ADGRG1: variants seen among roughly 807,000 people sequenced by gnomAD.
ADGRG1 encodes adhesion G protein-coupled receptor G1, also known as 7-transmembrane protein with no EGF-like N-terminal domains-1.
In ADGRG1, 53 loss-of-function variants were observed where a neutral mutation model predicts 73.5. The observed-to-expected ratio is 0.72, with a 90% CI of 0.58 to 0.91. The LOEUF (loss-of-function observed/expected upper bound fraction) is 0.91. ADGRG1 is among the 40% of genes least tolerant of loss of function. The pLI, the probability that ADGRG1 is intolerant of heterozygous loss-of-function variation, is 0.00. For synonymous variants in ADGRG1, 394 were observed against 374.4 expected (o/e 1.05, Z -0.60); for missense variants, 795 against 871.8 (o/e 0.91, Z 1.11).
chr16:57,635,009 G>T (rs2147462595), intron 1 of ADGRG1: 1 of 985,352 alleles, frequency 1.0e-6, no homozygotes, highest in African/African-American at 1.7e-5. Context: ...ATAGCTCAGT[G>T]GGCTGGATGG....
chr16:57,629,236 G>T (rs538606440), intron 1 of ADGRG1: 2 of 930,748 alleles, frequency 2.1e-6, no homozygotes, highest in Non-Finnish European at 2.6e-6. Context: ...TCTCTAGAGT[G>T]GGGGCGGACC....
rs1338794301 is a variant in ADGRG1, at chr16:57,664,655, A to T, written c.*1073A>T. 6.6e-6 allele frequency: 1 copy of T among 152,562 alleles called. No individual in the cohort carries two copies. The highest frequency in any genetic ancestry group is 1.5e-5 in the Non-Finnish European group (1 of 68,112). The allele number at this position is 152,562 out of a possible 1,614,324, so 9.5% of individuals were successfully genotyped here. ...TAGCTCCAGGCGCCCTCGGCCGCCC[A>T]TCATGGTTAATTCTGTCCAACAAAC... On this transcript the variant is annotated 3_prime_UTR_variant, in exon 14 of 14. Coordinates refer to ENST00000562631, the MANE Select transcript of ADGRG1 (RefSeq NM_201525.4).
At chr16:57,642,132 A>G (rs2041001760) in intron 1 of ADGRG1, 1 of 985,128 alleles carries the variant, frequency 1.0e-6, no homozygotes, top group Non-Finnish European at 1.2e-6. Context: ...TCTCTTTTCC[A>G]ACATCCTGAG....
In ADGRG1 at chr16:57,657,475, G is replaced by A. The variant is rs147479620; in HGVS notation, c.1270G>A (p.Ala424Thr). The A allele has an allele frequency of 5.8e-4, 935 of 1,612,948 alleles. 2 individuals carry two copies. Among genetic ancestry groups the A allele is most frequent in the Non-Finnish European group, 5.9e-4 (693 of 1,179,052 alleles). The change falls in exon 10 of 14, where the codon GCC (alanine) becomes ACC (threonine). Residue 424 changes from alanine (A) to threonine (T), a missense_variant. Transcript: ENST00000562631. ...SALACLVTIAAYLCSRRKPRD... is the reference protein window; with the variant it reads ...SALACLVTIATYLCSRRKPRD... ...CCTGGCCTGCCTTGTCACCATTGCC[G>A]CCTACCTCTGCTCCAGGTGAGGCCT...
intron 1 of ADGRG1, chr16:57,636,048 A>G (rs1311650611): frequency 2.0e-6 from 2 of 985,192 alleles, no homozygotes; most frequent in East Asian, 1.1e-4. Flanking sequence ...CCCCATGGCC[A>G]TAGGCACGTG....
chr16:57,662,502 C>G (rs533157846), intron 13 of ADGRG1, among the ~76,000 whole-genome samples: 1 of 152,160 alleles, frequency 6.6e-6, no homozygotes, highest in Non-Finnish European at 1.5e-5. Context: ...CTGGGCCACC[C>G]GGGCCCTGCC....
chr16:57,653,923 C>T (rs2044784632), intron 4 of ADGRG1, 63 bp from the exon 5 acceptor site: 24 of 1,610,208 alleles, frequency 1.5e-5, no homozygotes, highest in Non-Finnish European at 1.9e-5. Context: ...GTCCTCCTGC[C>T]TCAGTCTCCC....
intron 5 of ADGRG1, chr16:57,655,110 T>C: frequency 1.0e-6 from 1 of 985,274 alleles, no homozygotes; most frequent in Non-Finnish European, 1.2e-6. Flanking sequence ...AGTTGGCTGC[T>C]GTAGGCAGAG....
rs115121008 is a variant in ADGRG1, at chr16:57,635,754, C to T, written c.-36+6952C>T. On this transcript the variant is annotated intron_variant, in intron 1 of 13. Coordinates refer to ENST00000562631, the MANE Select transcript of ADGRG1 (RefSeq NM_201525.4). ...CTCTCCATGTCGTTGCCAGGGCATG[C>T]AGGACAACAGAGGCAGCCCAGGGAA... 783 of 985,376 alleles carry T rather than the reference C, an allele frequency of 7.9e-4. 4 individuals carry two copies. The African/African-American group carries it at 0.013, about 16-fold the overall frequency. The allele number at this position is 985,376 out of a possible 1,614,324, so 61.0% of individuals were successfully genotyped here. A position where few individuals can be genotyped will look rare whatever the true frequency, so the allele number is the denominator to read the frequency against.
intron 1 of ADGRG1, chr16:57,631,991 C>T (rs1247455102): frequency 1.0e-6 from 1 of 985,356 alleles, no homozygotes; most frequent in African/African-American, 1.7e-5. Flanking sequence ...AAGCCCCAAA[C>T]TCTCCCTGGT....
In ADGRG1 at chr16:57,630,555, G is replaced by C. The variant is rs1389598883; in HGVS notation, c.-36+1753G>C. 5.1e-6 allele frequency: 5 copies of C among 982,792 alleles called. No homozygotes were observed. The African/African-American group carries it at 8.7e-5, about 17-fold the overall frequency. The allele number at this position is 982,792 out of a possible 1,614,324, so 60.9% of individuals were successfully genotyped here. On this transcript the variant is annotated intron_variant, in intron 1 of 13. Coordinates refer to ENST00000562631, the MANE Select transcript of ADGRG1 (RefSeq NM_201525.4). The stretch of plus-strand genomic sequence containing the variant: ...CCGAGAGTGTCGGGTGATGGAGAAC[G>C]CCGCTCCAGGTGTGATCTGTGACGG...
chr16:57,657,288 CCCCAGG>C, intron 9 of ADGRG1, 79 bp from the exon 10 acceptor site: 1 of 1,600,908 alleles, frequency 6.2e-7, no homozygotes, highest in Non-Finnish European at 8.5e-7. Context: ...CCACCAGGGA[CCCCAGG>C]TTAGCCCCTC....
At chr16:57,661,434 A>T in intron 12 of ADGRG1, 1 of 985,274 alleles carries the variant, frequency 1.0e-6, no homozygotes. Context: ...AGTGGTTTTG[A>T]AATTTTCAGC....
At chr16:57,661,493 TATTATTACTTACTTA>T in intron 12 of ADGRG1, 189 bp from the exon 13 acceptor site, 1 of 981,162 alleles carries the variant, frequency 1.0e-6, no homozygotes, top group Non-Finnish European at 1.2e-6. Flanking sequence ...GTACTATCTA[TATTATTACTTACTTA>T]ACATTTTCCT....
chr16:57,660,709 C>G, intron 11 of ADGRG1, 59 bp from the exon 12 acceptor site: 4 of 1,474,214 alleles, frequency 2.7e-6, no homozygotes, highest in Non-Finnish European at 3.7e-6. Context: ...CTGAGGCCAG[C>G]AGGGAATGGG....
At chr16:57,632,069 T>C in intron 1 of ADGRG1, 1 of 985,484 alleles carries the variant, frequency 1.0e-6, no homozygotes. Flanking sequence ...TGCCAGGCCC[T>C]GGGCTCAGTG....
upstream of ADGRG1, chr16:57,623,798 T>C (rs1596931091): frequency 1.0e-6 from 1 of 985,382 alleles, no homozygotes; most frequent in East Asian, 1.1e-4. Context: ...GGACTATGGG[T>C]ACCCCCACGC....
At chr16:57,642,526 C>T in intron 1 of ADGRG1, 1 of 979,202 alleles carries the variant, frequency 1.0e-6, no homozygotes, top group Non-Finnish European at 1.2e-6. Flanking sequence ...AAAGGCTCTA[C>T]CTTCACGTTG....
intron 1 of ADGRG1, 197 bp downstream of exon 1, chr16:57,628,999 T>A (rs200747304): frequency 1.6e-5 from 8 of 485,626 alleles, no homozygotes; most frequent in Admixed American, 1.5e-4. Context: ...AATGTGAGTG[T>A]GAGTGTGAGA....
Sources: allele counts gnomAD v4.1 joint callset (sites outside exome capture counted in the v4.1 genomes callset), GRCh38; gene constraint gnomAD v4.1.1; transcripts MANE v1.5; gene names NCBI Gene and HGNC (gene_info 2026-07-23, HGNC 2026-07-21).